XKR6: variants seen among roughly 807,000 people sequenced by gnomAD.
XKR6 encodes the protein XK related 6.
Under a neutral mutation model 56.7 loss-of-function variants are expected in XKR6, and 22 were observed. That is an observed-to-expected ratio of 0.39 (90% CI 0.28 to 0.55). XKR6 has a LOEUF of 0.55. Among genes scored for constraint, XKR6 ranks in the 20% least tolerant of loss-of-function variants. XKR6 has a pLI of 0.66. For missense variants in XKR6, 852 were observed against 889.0 expected (o/e 0.96, Z 0.53); for synonymous variants, 524 against 387.8 (o/e 1.35, Z -4.13).
At chr8:11,029,639 GTC>G (rs1373726851) in intron 1 of XKR6, among the ~76,000 whole-genome samples, 1 of 152,114 alleles carries the variant, frequency 6.6e-6, no homozygotes, top group Non-Finnish European at 1.5e-5. Flanking sequence ...TGAGCCACCA[GTC>G]TCTGGCTTTC....
In XKR6 at chr8:11,172,036, G is replaced by C. The variant is rs140798967; in HGVS notation, c.764+28540C>G. On this transcript the variant is annotated intron_variant, in intron 1 of 2. Transcript: ENST00000416569. The stretch of plus-strand genomic sequence containing the variant: ...CCATTGCACTCCAGATTGGGTGACA[G>C]AGCAAGATCCCCTGTCAAAAAATAA... Among the ~76,000 whole-genome samples the C allele has an allele frequency of 6.7e-3, 1,008 of 149,628 alleles. 11 individuals carry two copies. Among genetic ancestry groups the C allele is most frequent in the African/African-American group, 0.023 (937 of 40,562 alleles).
chr8:11,170,622 T>C (rs1174706884), intron 1 of XKR6, among the ~76,000 whole-genome samples: 1 of 152,208 alleles, frequency 6.6e-6, no homozygotes, highest in Non-Finnish European at 1.5e-5. Context: ...ATTAGCACAT[T>C]TGTGGTAATC....
chr8:11,128,144 C>A (rs1799922459), intron 1 of XKR6, among the ~76,000 whole-genome samples: 1 of 152,132 alleles, frequency 6.6e-6, no homozygotes, highest in African/African-American at 2.4e-5. Flanking sequence ...ACGTAAAGGA[C>A]AATCTGAATG....
chr8:11,129,083 T>A, intron 1 of XKR6: 5 of 399,064 alleles, frequency 1.3e-5, no homozygotes, highest in Non-Finnish European at 2.0e-5. Context: ...ATCCATGTAA[T>A]CAAGAGCCCA....
chr8:11,149,696 CA>C (rs1452244349), intron 1 of XKR6, among the ~76,000 whole-genome samples: 6 of 151,856 alleles, frequency 4.0e-5, no homozygotes, highest in Admixed American at 1.3e-4. Context: ...AGATTTCTCA[CA>C]AAACCAAAAA....
At chr8:10,904,570 T>A (rs1333724190) in intron 2 of XKR6, among the ~76,000 whole-genome samples, 3 of 151,962 alleles carry the variant, frequency 2.0e-5, no homozygotes, top group African/African-American at 7.3e-5. Context: ...TCCTAGAACC[T>A]GGAGGGAGCA....
intron 1 of XKR6, among the ~76,000 whole-genome samples, chr8:11,198,696 G>T (rs1306671234): frequency 1.3e-5 from 2 of 152,170 alleles, no homozygotes; most frequent in Non-Finnish European, 1.5e-5. Context: ...CTTACTACTA[G>T]TAAGTGTCCA....
chr8:11,165,100 T>TC (rs1180397402), intron 1 of XKR6, among the ~76,000 whole-genome samples: 2 of 137,170 alleles, frequency 1.5e-5, no homozygotes, highest in African/African-American at 5.7e-5. Context: ...CTTTTTTTTT[T>TC]TTTTTTTTTT....
At chr8:11,102,669 C>G (rs866506912) in intron 1 of XKR6, among the ~76,000 whole-genome samples, 12 of 152,166 alleles carry the variant, frequency 7.9e-5, no homozygotes, top group South Asian at 4.2e-4. Context: ...AGTTTCGTGC[C>G]ACTGAAAGGC....
chr8:11,183,045 T>C (rs552045564), intron 1 of XKR6, among the ~76,000 whole-genome samples: 6 of 152,338 alleles, frequency 3.9e-5, no homozygotes, highest in East Asian at 3.9e-4. Context: ...TGTGTTAGAA[T>C]TGCCTTTTTT....
At chr8:11,144,057 C>G (rs376419031) in intron 1 of XKR6, among the ~76,000 whole-genome samples, 1 of 151,994 alleles carries the variant, frequency 6.6e-6, no homozygotes, top group East Asian at 1.9e-4. Context: ...TAAGACCCCC[C>G]GTCAATGACC....
At chr8:11,048,401 C>T (rs961848868) in intron 1 of XKR6, among the ~76,000 whole-genome samples, 24 of 152,128 alleles carry the variant, frequency 1.6e-4, no homozygotes, top group African/African-American at 5.8e-4. Context: ...CCCCGCCCCG[C>T]CCACCAGAGT....
At chr8:11,050,238 T>C (rs1318621928) in intron 1 of XKR6, among the ~76,000 whole-genome samples, 2 of 152,178 alleles carry the variant, frequency 1.3e-5, no homozygotes, top group African/African-American at 4.8e-5. Context: ...GCAATGTAAC[T>C]GCGACAGGAT....
intron 1 of XKR6, among the ~76,000 whole-genome samples, chr8:10,970,152 T>A (rs1487210712): frequency 2.0e-5 from 3 of 152,184 alleles, no homozygotes; most frequent in Admixed American, 6.5e-5. Flanking sequence ...CGGGACCCCA[T>A]AACTCAGTGC....
chr8:10,970,286 G>A (rs1255265454), intron 1 of XKR6, among the ~76,000 whole-genome samples: 2 of 152,196 alleles, frequency 1.3e-5, no homozygotes, highest in African/African-American at 2.4e-5. Flanking sequence ...GGTGGCCTAG[G>A]GGATGGGTAC....
chr8:10,974,867 A>G (rs1802507021), intron 1 of XKR6, among the ~76,000 whole-genome samples: 1 of 152,318 alleles, frequency 6.6e-6, no homozygotes, highest in East Asian at 1.9e-4. Flanking sequence ...GGGGAAGGTG[A>G]AAAGGTTCTG....
At chr8:11,112,443 G>T (rs1337603368) in intron 1 of XKR6, among the ~76,000 whole-genome samples, 1 of 151,844 alleles carries the variant, frequency 6.6e-6, no homozygotes, top group Non-Finnish European at 1.5e-5. Flanking sequence ...TTTGGCAAAA[G>T]AAATCAAAAT....
intron 1 of XKR6, among the ~76,000 whole-genome samples, chr8:11,046,636 T>G (rs1799417873): frequency 6.6e-6 from 1 of 152,164 alleles, no homozygotes; most frequent in African/African-American, 2.4e-5. Context: ...TGACACATGC[T>G]ACAACATGAT....
In XKR6 at chr8:10,970,304, G is replaced by A. The variant is rs540823179; in HGVS notation, c.765-45474C>T. On this transcript the variant is annotated intron_variant, in intron 1 of 2. Coordinates refer to ENST00000416569, the MANE Select transcript of XKR6 (RefSeq NM_173683.4). ...GGCCTAGGGGATGGGTACTGAGGTCGCGACAGCCCTCTGCATCATCACCTG... is the reference window on the plus strand; with the variant it reads ...GGCCTAGGGGATGGGTACTGAGGTCACGACAGCCCTCTGCATCATCACCTG... Among the ~76,000 whole-genome samples the A allele has an allele frequency of 2.0e-5, 3 of 152,300 alleles. No individual in the cohort carries two copies. In the East Asian group the frequency reaches 5.8e-4, roughly 29 times the overall value.
Sources: allele counts gnomAD v4.1 joint callset (sites outside exome capture counted in the v4.1 genomes callset), GRCh38; gene constraint gnomAD v4.1.1; transcripts MANE v1.5; gene names NCBI Gene and HGNC (gene_info 2026-07-23, HGNC 2026-07-21).